PTPRG: variants seen among roughly 807,000 people sequenced by gnomAD.
PTPRG encodes the protein receptor-type tyrosine-protein phosphatase gamma.
In PTPRG, 102 loss-of-function variants were observed where a neutral mutation model predicts 165.3. The observed-to-expected ratio is 0.62, with a 90% confidence interval of 0.53 to 0.73. PTPRG has a LOEUF of 0.73. PTPRG is among the 30% of genes least tolerant of loss of function. The probability of loss-of-function intolerance (pLI) is 0.00; values close to 1 mark genes in which losing one functional copy is unlikely to be tolerated. For missense variants in PTPRG, 1,866 were observed against 1,861.4 expected, an observed-to-expected ratio of 1.00 and a Z score of -0.05; for synonymous variants, 675 against 669.5, an observed-to-expected ratio of 1.01 and a Z score of -0.13.
intron 2 of PTPRG, among the ~76,000 whole-genome samples, chr3:61,817,045 AATATTATATATAATATATAATACAT>A (rs1293651967): frequency 4.6e-5 from 6 of 131,348 alleles, no homozygotes; most frequent in Non-Finnish European, 7.9e-5. Context: ...TATAATATAT[AATATTATATATAATATATAATACAT>A]ATATTATATA....
At chr3:62,021,857 C>CTTTTCTTTTTTTTTTTTTT (rs1406333299) in intron 4 of PTPRG, among the ~76,000 whole-genome samples, 1 of 97,092 alleles carries the variant, frequency 1.0e-5, no homozygotes, top group African/African-American at 3.9e-5. Flanking sequence ...TTTTCCTTTT[C>CTTTTCTTTTTTTTTTTTTT]TTTTTTTTTT....
At chr3:61,931,187 G>A (rs1447015491) in intron 2 of PTPRG, among the ~76,000 whole-genome samples, 1 of 152,278 alleles carries the variant, frequency 6.6e-6, no homozygotes, top group Non-Finnish European at 1.5e-5. Flanking sequence ...TCACTGCTGG[G>A]CCACTTTGCT....
At chr3:61,888,305 T>C (rs548067195) in intron 2 of PTPRG, among the ~76,000 whole-genome samples, 1 of 151,434 alleles carries the variant, frequency 6.6e-6, no homozygotes, top group East Asian at 1.9e-4. Context: ...TCTATTTCTG[T>C]TCTAGGAAAA....
chr3:61,575,423 CA>C (rs1700153366), intron 1 of PTPRG, among the ~76,000 whole-genome samples: 1 of 152,088 alleles, frequency 6.6e-6, no homozygotes, highest in Non-Finnish European at 1.5e-5. Flanking sequence ...CATTTTTTTG[CA>C]GGTACCAGAG....
rs1702458043 is a variant in PTPRG, at chr3:62,281,697, T to A, written c.3900T>A (p.Leu1300=). ...AAATTATCATCCATGACTTTATCCT[T>A]GAAGCTACACAGGTAACCTAAACCT... ...EEQIIIHDFI[L]EATQDDYVLE... is the part of the protein sequence containing the mutation. The change falls in exon 27 of 30, where the codon CTT becomes CTA. Residue 1300 remains leucine (L), a synonymous_variant. Coordinates refer to ENST00000474889, the MANE Select transcript of PTPRG (RefSeq NM_002841.4). 1.9e-6 allele frequency: 3 copies of A among 1,611,384 alleles called. No homozygotes were observed. Among genetic ancestry groups the A allele is most frequent in the Admixed American group, 3.3e-5 (2 of 59,770 alleles).
At chr3:62,103,427 TA>T (rs2106833381) in intron 5 of PTPRG, among the ~76,000 whole-genome samples, 1 of 152,256 alleles carries the variant, frequency 6.6e-6, no homozygotes, top group Non-Finnish European at 1.5e-5. Context: ...AAGAGCAAAA[TA>T]AAAGTTATCC....
chr3:61,585,389 C>T (rs1045335749), intron 1 of PTPRG, among the ~76,000 whole-genome samples: 13 of 151,972 alleles, frequency 8.6e-5, no homozygotes, highest in South Asian at 4.1e-4. Flanking sequence ...AACCTCAACA[C>T]GCAGTCTTAT....
intron 1 of PTPRG, among the ~76,000 whole-genome samples, chr3:61,609,673 A>G (rs752226177): frequency 4.0e-5 from 6 of 151,186 alleles, no homozygotes; most frequent in Admixed American, 1.3e-4. Flanking sequence ...CCTGGGCAAT[A>G]CGGCAAAACC....
In PTPRG at chr3:62,095,898, A is replaced by C. The variant is rs76461036; in HGVS notation, c.615+17640A>C. On this transcript the variant is annotated intron_variant, in intron 5 of 29. Transcript: ENST00000474889. ...CCCCAAGCAGGAGAACTGAGTGCTC[A>C]AGGACCAGAGAGAAAGCCCTCAAGG... 1.5e-3 allele frequency among the ~76,000 whole-genome samples: 231 copies of C among 152,298 alleles called. 2 individuals are homozygous for C. The highest frequency in any genetic ancestry group is 0.014 in the South Asian group (68 of 4,824).
Position 62,218,909 on chromosome 3 carries a change from C to T in PTPRG, c.2214C>T (p.Ile738=), listed in dbSNP as rs1465434017. 1 of 1,614,094 alleles carries T rather than the reference C, an allele frequency of 6.2e-7. No individual in the cohort carries two copies. Among genetic ancestry groups the T allele is most frequent in the Admixed American group, 1.7e-5 (1 of 60,022 alleles). ...SRPAPGRMEW[I]IPLIVVSALT... ...CTGCTCCAGGGAGGATGGAGTGGAT[C>T]ATCCCTCTGATTGTGGTATCAGCCT... Residue 738 remains isoleucine (I), a synonymous_variant, in exon 13 of 30, where the codon ATC becomes ATT. Transcript: ENST00000474889.
At chr3:61,621,360 T>C (rs913634433) in intron 1 of PTPRG, among the ~76,000 whole-genome samples, 13 of 152,238 alleles carry the variant, frequency 8.5e-5, no homozygotes, top group East Asian at 3.9e-4. Context: ...CTTGAAACTT[T>C]ACTGATTACG....
intron 6 of PTPRG, among the ~76,000 whole-genome samples, chr3:62,146,097 T>G (rs1350417926): frequency 1.3e-5 from 2 of 152,234 alleles, no homozygotes; most frequent in Non-Finnish European, 2.9e-5. Flanking sequence ...AACTGTTCAG[T>G]GATAATATTG....
At chr3:62,036,975 G>GCA (rs1203272814) in intron 4 of PTPRG, among the ~76,000 whole-genome samples, 8 of 114,882 alleles carry the variant, frequency 7.0e-5, no homozygotes, top group African/African-American at 3.0e-4. Flanking sequence ...GCACGTGCGC[G>GCA]CGCGCACGCA....
Position 62,191,388 on chromosome 3 carries a change from T to C in PTPRG, c.1034-81T>C, listed in dbSNP as rs1315566080. ...TTCCTGTATTACTCTTTCAACTTTT[T>C]GAGGCTGCAGTCCTTAGGGGCACGG... On this transcript the variant is annotated intron_variant, in intron 8 of 29. Coordinates refer to ENST00000474889, the MANE Select transcript of PTPRG (RefSeq NM_002841.4). 3 of 1,356,720 alleles carry C rather than the reference T, an allele frequency of 2.2e-6. No homozygotes were observed. The African/African-American group carries it at 4.4e-5, about 20-fold the overall frequency. 84.0% of individuals were successfully genotyped at this position (1,356,720 alleles called of 1,614,324 possible).
intron 2 of PTPRG, among the ~76,000 whole-genome samples, chr3:61,836,889 C>G (rs1204570015): frequency 6.6e-6 from 1 of 151,048 alleles, no homozygotes; most frequent in East Asian, 1.9e-4. Context: ...GGACTACAGG[C>G]ACACGCCACC....
chr3:61,988,173 A>G (rs187671846), intron 2 of PTPRG, among the ~76,000 whole-genome samples: 1 of 152,108 alleles, frequency 6.6e-6, no homozygotes, highest in African/African-American at 2.4e-5. Flanking sequence ...ACTCTTTGGG[A>G]TGAGGATTAG....
At position 61,621,022 on chromosome 3, in the gene PTPRG, A is replaced by AGTGT. The variant is rs1311209297; in HGVS notation, c.85+58659_85+58662dup. Among the ~76,000 whole-genome samples the AGTGT allele has an allele frequency of 1.8e-3, 191 of 107,794 alleles. 1 individual carries two copies. Among genetic ancestry groups the AGTGT allele is most frequent in the African/African-American group, 5.3e-3 (166 of 31,442 alleles). The allele number at this position is 107,794 out of a possible 152,430, so 70.7% of individuals were successfully genotyped here. ...AAAAAAAAATTTGGACCCATGCCCCAGTGTGTGTGTGTATATATATATATA... is the reference window on the plus strand; with the variant it reads ...AAAAAAAAATTTGGACCCATGCCCCAGTGTGTGTGTGTGTGTATATATATATATA... On this transcript the variant is annotated intron_variant, in intron 1 of 29. Transcript: ENST00000474889.
chr3:62,293,024 G>GT (rs1390012371), intron 29 of PTPRG, 137 bp from the exon 30 acceptor site: 27 of 705,626 alleles, frequency 3.8e-5, no homozygotes, highest in Non-Finnish European at 5.9e-5. Context: ...TTTTTTTTTA[G>GT]TTTTTTTAGA....
At chr3:62,181,273 G>C (rs1346013332) in intron 8 of PTPRG, among the ~76,000 whole-genome samples, 1 of 152,186 alleles carries the variant, frequency 6.6e-6, no homozygotes, top group Non-Finnish European at 1.5e-5. Context: ...TCGGCAGCCA[G>C]ATCCACCCCG....
Sources: gnomAD v4.1 joint callset for allele counts (sites outside exome capture counted in the v4.1 genomes callset) on GRCh38, gnomAD v4.1.1 for gene constraint, MANE v1.5 for transcripts, NCBI Gene and HGNC (gene_info 2026-07-23, HGNC 2026-07-21) for gene names.